Variants in PRR5L observed in about 807,000 individuals in gnomAD.
PRR5L encodes proline rich 5 like, also known as proline-rich protein 5-like.
Under a neutral mutation model 36.4 loss-of-function variants are expected in PRR5L, and 21 were observed. That is an observed-to-expected ratio of 0.58 (90% confidence interval 0.41 to 0.83). The LOEUF is 0.83. Among genes scored for constraint, PRR5L ranks in the 40% least tolerant of loss-of-function variants. The pLI is 0.00. For synonymous variants in PRR5L, 188 were observed against 197.0 expected (o/e 0.95, Z 0.38); for missense variants, 381 against 473.3 (o/e 0.80, Z 1.81).
intron 1 of PRR5L, among the ~76,000 whole-genome samples, chr11:36,309,211 T>G (rs1268387740): frequency 6.6e-6 from 1 of 152,208 alleles, no homozygotes; most frequent in Non-Finnish European, 1.5e-5. Context: ...GCCTAAATTC[T>G]AAGAACTTTC....
intron 1 of PRR5L, among the ~76,000 whole-genome samples, chr11:36,395,575 C>G (rs1857641820): frequency 6.6e-6 from 1 of 152,080 alleles, no homozygotes; most frequent in African/African-American, 2.4e-5. Flanking sequence ...AGGCCTTTCA[C>G]TATGTTTGTT....
At chr11:36,436,876 T>A (rs1858616058) in intron 5 of PRR5L, among the ~76,000 whole-genome samples, 1 of 152,186 alleles carries the variant, frequency 6.6e-6, no homozygotes, top group East Asian at 1.9e-4. Flanking sequence ...GATAATGTTG[T>A]AACAATTCAT....
intron 1 of PRR5L, among the ~76,000 whole-genome samples, chr11:36,333,047 C>A (rs1373049850): frequency 1.3e-5 from 2 of 152,190 alleles, no homozygotes; most frequent in African/African-American, 4.8e-5. Context: ...CAGGAGTCTC[C>A]TAACTGGTCT....
intron 1 of PRR5L, chr11:36,376,368 AGG>A: frequency 1.8e-6 from 2 of 1,142,524 alleles, no homozygotes; most frequent in Non-Finnish European, 2.2e-6. Flanking sequence ...GAGGAGGAGG[AGG>A]AGGAGGCGGC....
chr11:36,426,056 A>G (rs1050726938), intron 4 of PRR5L: 1 of 152,238 alleles, frequency 6.6e-6, no homozygotes, highest in African/African-American at 2.4e-5. Context: ...TTGAATGTGG[A>G]TAGTCGAGAG....
chr11:36,438,717 A>G (rs1436367761), intron 6 of PRR5L, among the ~76,000 whole-genome samples: 1 of 152,088 alleles, frequency 6.6e-6, no homozygotes, highest in Non-Finnish European at 1.5e-5. Flanking sequence ...AGGTGGGTGG[A>G]TCACTTGAGC....
intron 1 of PRR5L, among the ~76,000 whole-genome samples, chr11:36,387,932 ACTTT>A (rs1857486968): frequency 1.3e-5 from 1 of 74,612 alleles, no homozygotes; most frequent in Admixed American, 1.6e-4. Flanking sequence ...GGATTTTTGG[ACTTT>A]CTTGGGAAAA....
intron 1 of PRR5L, among the ~76,000 whole-genome samples, chr11:36,372,575 G>A (rs989462528): frequency 5.9e-5 from 9 of 152,118 alleles, no homozygotes; most frequent in Admixed American, 2.0e-4. Flanking sequence ...CTATGTGTCC[G>A]CATCCCTTGC....
intron 1 of PRR5L, among the ~76,000 whole-genome samples, chr11:36,321,937 TTAAAG>T (rs1856617494): frequency 6.6e-6 from 1 of 152,120 alleles, no homozygotes; most frequent in African/African-American, 2.4e-5. Context: ...TCATATGGGG[TTAAAG>T]CCCACTTATT....
chr11:36,375,108 G>A (rs904374770), intron 1 of PRR5L, among the ~76,000 whole-genome samples: 1 of 152,072 alleles, frequency 6.6e-6, no homozygotes, highest in Middle Eastern at 3.2e-3. Flanking sequence ...GGTGGTGCAT[G>A]CCTGTAATCC....
At chr11:36,446,468 A>T in intron 7 of PRR5L, 28 bp downstream of exon 7, 1 of 1,610,890 alleles carries the variant, frequency 6.2e-7, no homozygotes, top group Middle Eastern at 1.7e-4. Flanking sequence ...ACTTGCCCCA[A>T]GGCAGAGGGA....
intron 1 of PRR5L, among the ~76,000 whole-genome samples, chr11:36,371,927 G>A (rs932305033): frequency 6.6e-6 from 1 of 152,030 alleles, no homozygotes; most frequent in African/African-American, 2.4e-5. Flanking sequence ...GTGTGGTGGT[G>A]CACGCCTGTA....
intron 5 of PRR5L, among the ~76,000 whole-genome samples, chr11:36,433,607 TG>T (rs1858545621): frequency 6.6e-6 from 1 of 152,194 alleles, no homozygotes; most frequent in South Asian, 2.1e-4. Context: ...TGGAGTACAG[TG>T]GCATGATTTC....
At chr11:36,378,366 G>A (rs1201489033) in intron 1 of PRR5L, among the ~76,000 whole-genome samples, 1 of 152,164 alleles carries the variant, frequency 6.6e-6, no homozygotes, top group African/African-American at 2.4e-5. Flanking sequence ...GCTGTTTAGA[G>A]CGGTTTCTGT....
chr11:36,447,270 G>T (rs894965013), intron 7 of PRR5L, among the ~76,000 whole-genome samples: 58 of 152,322 alleles, frequency 3.8e-4, no homozygotes, highest in African/African-American at 1.4e-3. Flanking sequence ...AAGTTTGTGT[G>T]CTTGCCTGAG....
In PRR5L at chr11:36,296,707, C is replaced by T. The variant is rs572215916; in HGVS notation, c.-126+269C>T. On this transcript the variant is annotated intron_variant, in intron 1 of 8. Transcript: ENST00000530639. ...GGTCTTCATGGCCCATGTAGATTTA[C>T]TGAGGTGGCTGTTGCCTTAATAATA... 6.6e-5 allele frequency among the ~76,000 whole-genome samples: 10 copies of T among 152,320 alleles called. No homozygotes were observed. The South Asian group carries it at 2.1e-3, about 32-fold the overall frequency.
chr11:36,311,063 G>T (rs1856497481), intron 1 of PRR5L, among the ~76,000 whole-genome samples: 1 of 151,006 alleles, frequency 6.6e-6, no homozygotes, highest in African/African-American at 2.4e-5. Flanking sequence ...CCTTCCATGT[G>T]CATGAGCATA....
chr11:36,350,942 A>ATTTATATATT (rs1218331102), intron 1 of PRR5L, among the ~76,000 whole-genome samples: 1 of 29,666 alleles, frequency 3.4e-5, no homozygotes, highest in African/African-American at 1.7e-4. Context: ...ATATATTTAT[A>ATTTATATATT]TATATATATT....
rs80074327 is a variant in PRR5L at position 36,390,000 on chromosome 11, C to T, written c.-125-10997C>T. On this transcript the variant is annotated intron_variant, in intron 1 of 8. Transcript: ENST00000530639. ...CATTCAGAGAATATCTGTGGAATTCCTGCTTCACTAGGCCCTGTGCTAAGC... is the reference window on the plus strand; with the variant it reads ...CATTCAGAGAATATCTGTGGAATTCTTGCTTCACTAGGCCCTGTGCTAAGC... Among the ~76,000 whole-genome samples the T allele has an allele frequency of 1.9e-3, 285 of 152,276 alleles. 4 individuals carry two copies. In the East Asian group the frequency reaches 0.04, roughly 21 times the overall value.
Sources: gnomAD v4.1 joint callset for allele counts (sites outside exome capture counted in the v4.1 genomes callset) on GRCh38, gnomAD v4.1.1 for gene constraint, MANE v1.5 for transcripts, NCBI Gene and HGNC (gene_info 2026-07-23, HGNC 2026-07-21) for gene names.